FLT3: variants seen among roughly 807,000 people sequenced by gnomAD.
FLT3 encodes receptor-type tyrosine-protein kinase FLT3.
Under a neutral mutation model 126.6 loss-of-function variants are expected in FLT3, and 46 were observed. The ratio of observed to expected loss-of-function variants is 0.36; its 90% CI spans 0.29 to 0.46. The LOEUF is 0.46. Among genes scored for constraint, FLT3 ranks in the 20% least tolerant of loss-of-function variants. The pLI, the probability that FLT3 is intolerant of heterozygous loss-of-function variation, is 1.00. For synonymous variants in FLT3, 404 were observed against 434.4 expected, an observed-to-expected ratio of 0.93 and a Z score of 0.87; for missense variants, 1,069 against 1,190.3, an observed-to-expected ratio of 0.90 and a Z score of 1.50.
At chr13:28,051,597 T>C (rs986389517) in intron 5 of FLT3, among the ~76,000 whole-genome samples, 3 of 139,282 alleles carry the variant, frequency 2.2e-5, no homozygotes, top group Non-Finnish European at 4.6e-5. Context: ...CAGGCTGGAG[T>C]GCAGTGGCGC....
intron 10 of FLT3, 34 bp from the exon 11 acceptor site, chr13:28,036,077 G>C (rs750608338): frequency 6.4e-7 from 1 of 1,551,000 alleles, no homozygotes; most frequent in African/African-American, 1.4e-5. Context: ...AAGCTCACTG[G>C]CTGGGCATAG....
intron 2 of FLT3, among the ~76,000 whole-genome samples, chr13:28,066,669 A>T (rs886942245): frequency 7.2e-5 from 11 of 152,224 alleles, no homozygotes; most frequent in Non-Finnish European, 1.3e-4. Flanking sequence ...AAAAAATTGA[A>T]TAAATACATA....
intron 1 of FLT3, among the ~76,000 whole-genome samples, chr13:28,097,868 T>C (rs568760886): frequency 6.6e-6 from 1 of 152,106 alleles, no homozygotes; most frequent in Non-Finnish European, 1.5e-5. Flanking sequence ...TTTTTAACAC[T>C]AATGAAAAAG....
intron 12 of FLT3, 130 bp from the exon 13 acceptor site, chr13:28,034,537 A>AC: frequency 1.5e-6 from 1 of 671,496 alleles, no homozygotes; most frequent in Non-Finnish European, 2.6e-6. Context: ...CAACCACTCT[A>AC]CATATACTCT....
Position 28,051,570 on chromosome 13 carries a change from A to G in FLT3, c.614+975T>C, listed in dbSNP as rs1177439464. 2.4e-5 allele frequency among the ~76,000 whole-genome samples: 3 copies of G among 124,282 alleles called. No homozygotes were observed. The South Asian group carries it at 7.6e-4, about 31-fold the overall frequency. The allele number at this position is 124,282 out of a possible 152,430, so 81.5% of individuals were successfully genotyped here. On this transcript the variant is annotated intron_variant, in intron 5 of 23. Coordinates refer to ENST00000241453, the MANE Select transcript of FLT3 (RefSeq NM_004119.3). ...CCCTTTTTTTTTTTTTTTGAGATGG[A>G]GTCTCGCTCTGTCACCCAGGCTGGA...
intron 23 of FLT3, among the ~76,000 whole-genome samples, chr13:28,004,805 G>A (rs1388707570): frequency 3.3e-5 from 5 of 152,072 alleles, no homozygotes; most frequent in African/African-American, 1.2e-4. Flanking sequence ...TCTACTCTCA[G>A]ATATAAAATG....
chr13:28,091,950 G>A (rs1879139033), intron 1 of FLT3, among the ~76,000 whole-genome samples: 1 of 152,048 alleles, frequency 6.6e-6, no homozygotes. Flanking sequence ...AGCACCTGCA[G>A]TCCCAGCTAC....
chr13:28,089,775 C>A (rs1462111311), intron 1 of FLT3, among the ~76,000 whole-genome samples: 2 of 150,140 alleles, frequency 1.3e-5, no homozygotes, highest in African/African-American at 2.5e-5. Flanking sequence ...TGCTGTGTTG[C>A]CCAGGCTGGA....
intron 17 of FLT3, 104 bp from the exon 18 acceptor site, chr13:28,025,047 G>A (rs1276198360): frequency 5.6e-6 from 4 of 719,042 alleles, no homozygotes; most frequent in Middle Eastern, 3.7e-4. Context: ...GTTATAAATT[G>A]ACTTTTAAAT....
chr13:28,072,694 C>T (rs572054526), intron 1 of FLT3, among the ~76,000 whole-genome samples: 4 of 151,922 alleles, frequency 2.6e-5, no homozygotes, highest in African/African-American at 9.6e-5. Flanking sequence ...CTGTGCCTGG[C>T]CAAGATCTAT....
chr13:28,031,425 G>C (rs1407004381), intron 15 of FLT3, among the ~76,000 whole-genome samples: 5 of 151,962 alleles, frequency 3.3e-5, no homozygotes, highest in Admixed American at 3.3e-4. Flanking sequence ...TGAAAGAGTG[G>C]GCAAAGGTCG....
chr13:28,017,629 A>G (rs1332364145), intron 20 of FLT3, among the ~76,000 whole-genome samples: 2 of 150,262 alleles, frequency 1.3e-5, no homozygotes, highest in Non-Finnish European at 3.0e-5. Flanking sequence ...TTAGTTTTTC[A>G]TTACCAAGTC....
intron 9 of FLT3, among the ~76,000 whole-genome samples, chr13:28,047,416 A>T (rs1874981305): frequency 6.6e-6 from 1 of 152,170 alleles, no homozygotes; most frequent in Non-Finnish European, 1.5e-5. Context: ...TCCTCCCACA[A>T]GAGAATCTTT....
chr13:28,048,213 A>G, intron 9 of FLT3, 62 bp downstream of exon 9: 1 of 1,371,960 alleles, frequency 7.3e-7, no homozygotes, highest in Non-Finnish European at 1.0e-6. Context: ...TGTCCTTCTC[A>G]AGGGCGACAA....
At chr13:28,073,010 A>AG (rs1484729213) in intron 1 of FLT3, among the ~76,000 whole-genome samples, 1 of 146,674 alleles carries the variant, frequency 6.8e-6, no homozygotes, top group African/African-American at 2.5e-5. Flanking sequence ...GTCTCTAAAA[A>AG]AAAAAAACAA....
intron 1 of FLT3, among the ~76,000 whole-genome samples, chr13:28,086,080 C>T (rs1162631907): frequency 6.6e-6 from 1 of 152,182 alleles, no homozygotes; most frequent in East Asian, 1.9e-4. Context: ...TTTTAACTTA[C>T]AGAAAGTATT....
At chr13:28,015,485 A>G (rs1871759201) in intron 21 of FLT3, 105 bp downstream of exon 21, 1 of 628,642 alleles carries the variant, frequency 1.6e-6, no homozygotes, top group African/African-American at 1.8e-5. Context: ...ATGGGCTGCA[A>G]TACAAGTAAG....
chr13:28,018,028 A>G (rs2491217), intron 20 of FLT3, among the ~76,000 whole-genome samples: 39,537 of 152,122 alleles, frequency 0.26, 5,432 homozygotes, highest in South Asian at 0.4. Flanking sequence ...TCATTAATTC[A>G]TATTTAAGTA....
At chr13:28,064,689 C>CA (rs1322124765) in intron 2 of FLT3, among the ~76,000 whole-genome samples, 1 of 152,004 alleles carries the variant, frequency 6.6e-6, no homozygotes, top group Non-Finnish European at 1.5e-5. Flanking sequence ...ATCAGACTGG[C>CA]AAAAAATTAA....
Sources: allele counts gnomAD v4.1 joint callset (sites outside exome capture counted in the v4.1 genomes callset), GRCh38; gene constraint gnomAD v4.1.1; transcripts MANE v1.5; gene names NCBI Gene and HGNC (gene_info 2026-07-23, HGNC 2026-07-21).